ENTREP1: variants seen among roughly 807,000 people sequenced by gnomAD.
The protein encoded by ENTREP1 is Friedreich ataxia region gene X123.
the ENTREP1 span, among the ~76,000 whole-genome samples, chr9:69,362,768 G>A: frequency 3.3e-5 from 5 of 152,132 alleles, no homozygotes; most frequent in Admixed American, 2.0e-4. Flanking sequence ...CGCTGCCAAC[G>A]AATAGAAAGC....
the ENTREP1 span, among the ~76,000 whole-genome samples, chr9:69,343,701 A>G: frequency 1.3e-5 from 2 of 152,230 alleles, no homozygotes; most frequent in African/African-American, 4.8e-5. Context: ...AAACATGAGA[A>G]CCCGTTTTTA....
chr9:69,376,610 G>A, the ENTREP1 span, among the ~76,000 whole-genome samples: 1 of 152,150 alleles, frequency 6.6e-6, no homozygotes, highest in African/African-American at 2.4e-5. Flanking sequence ...TTTCATTTTG[G>A]TGGGGAGGAA....
At chr9:69,355,194 C>T in the ENTREP1 span, among the ~76,000 whole-genome samples, 1 of 152,228 alleles carries the variant, frequency 6.6e-6, no homozygotes, top group Admixed American at 6.5e-5. Context: ...CTTCACACCT[C>T]TTTCTCCACA....
the ENTREP1 span, among the ~76,000 whole-genome samples, chr9:69,326,892 G>A: frequency 6.6e-6 from 1 of 151,512 alleles, no homozygotes; most frequent in South Asian, 2.1e-4. Flanking sequence ...AACTCACTGT[G>A]TAAATCTGAA....
the ENTREP1 span, chr9:69,388,521 C>A: frequency 8.3e-7 from 1 of 1,201,046 alleles, no homozygotes; most frequent in Non-Finnish European, 1.1e-6. Context: ...GGCTTCTCCG[C>A]TTTCTTGTCC....
chr9:69,376,578 T>G, the ENTREP1 span, among the ~76,000 whole-genome samples: 1 of 152,168 alleles, frequency 6.6e-6, no homozygotes, highest in African/African-American at 2.4e-5. Flanking sequence ...TCTGCCGGTT[T>G]TCTTTAGATA....
chr9:69,382,292 C>G, the ENTREP1 span: 1 of 152,240 alleles, frequency 6.6e-6, no homozygotes, highest in African/African-American at 2.4e-5. Flanking sequence ...AGTTCTTAAA[C>G]AGTTTCAGTG....
At chr9:69,350,138 A>G in the ENTREP1 span, among the ~76,000 whole-genome samples, 13,654 of 152,230 alleles carry the variant, frequency 0.09, 726 homozygotes, top group East Asian at 0.18. Context: ...TGTATTTAAG[A>G]AGGGCTTTGT....
At chr9:69,350,356 G>C in the ENTREP1 span, among the ~76,000 whole-genome samples, 1 of 152,016 alleles carries the variant, frequency 6.6e-6, no homozygotes, top group African/African-American at 2.4e-5. Context: ...GAATTATCTT[G>C]ATACGTTTGT....
the ENTREP1 span, among the ~76,000 whole-genome samples, chr9:69,359,097 G>C: frequency 6.6e-6 from 1 of 151,562 alleles, no homozygotes; most frequent in African/African-American, 2.4e-5. Context: ...GTAGAGACGG[G>C]GTTTCACCAT....
At chr9:69,326,650 CT>C in the ENTREP1 span, among the ~76,000 whole-genome samples, 3 of 152,240 alleles carry the variant, frequency 2.0e-5, no homozygotes, top group Admixed American at 6.5e-5. Flanking sequence ...TGTTGAGAGA[CT>C]TGGAAACACA....
chr9:69,325,270 G>A, the ENTREP1 span: 4 of 976,266 alleles, frequency 4.1e-6, no homozygotes, highest in Admixed American at 1.2e-4. Context: ...TCTGCCCGCC[G>A]CAGCCGGCCG....
the ENTREP1 span, among the ~76,000 whole-genome samples, chr9:69,358,360 G>A: frequency 6.6e-6 from 1 of 152,140 alleles, no homozygotes; most frequent in African/African-American, 2.4e-5. Flanking sequence ...TATGATACCT[G>A]TATATAGCAC....
the ENTREP1 span, chr9:69,392,022 A>G: frequency 2.2e-5 from 13 of 583,486 alleles, no homozygotes; most frequent in Non-Finnish European, 3.4e-5. Context: ...GTTGGAGGTT[A>G]TGAAAGCTTT....
At chr9:69,359,086 A>G in the ENTREP1 span, among the ~76,000 whole-genome samples, 1 of 151,540 alleles carries the variant, frequency 6.6e-6, no homozygotes, top group African/African-American at 2.4e-5. Flanking sequence ...TTGCATTTTT[A>G]GTAGAGACGG....
chr9:69,329,925 G>T, the ENTREP1 span, among the ~76,000 whole-genome samples: 2 of 135,432 alleles, frequency 1.5e-5, no homozygotes, highest in African/African-American at 2.7e-5. Context: ...AGTTAACTAG[G>T]TTCCACTGGG....
chr9:69,371,442 C>G, the ENTREP1 span: 1 of 1,177,540 alleles, frequency 8.5e-7, no homozygotes, highest in East Asian at 2.3e-5. Flanking sequence ...TCAGGTAAAA[C>G]TCTGTCTGAA....
At chr9:69,367,858 C>T in the ENTREP1 span, among the ~76,000 whole-genome samples, 11 of 82,018 alleles carry the variant, frequency 1.3e-4, no homozygotes, top group East Asian at 2.1e-3. Context: ...TAAATATATA[C>T]ACACATATAT....
the ENTREP1 span, among the ~76,000 whole-genome samples, chr9:69,376,352 T>A: frequency 6.6e-6 from 1 of 152,104 alleles, no homozygotes; most frequent in Non-Finnish European, 1.5e-5. Flanking sequence ...CCAGAAAATA[T>A]GGGGGAATTG....
Sources: gnomAD v4.1 joint callset for allele counts (sites outside exome capture counted in the v4.1 genomes callset) on GRCh38, gnomAD v4.1.1 for gene constraint, MANE v1.5 for transcripts, NCBI Gene and HGNC (gene_info 2026-07-23, HGNC 2026-07-21) for gene names.